NCKAP5: variants seen among roughly 807,000 people sequenced by gnomAD.
NCKAP5 encodes nck-associated protein 5.
A neutral mutation model predicts 167.0 loss-of-function variants in NCKAP5; 92 were observed. The ratio of observed to expected loss-of-function variants is 0.55; its 90% CI spans 0.47 to 0.66. The LOEUF (loss-of-function observed/expected upper bound fraction) is 0.66. NCKAP5 is among the 30% of genes least tolerant of loss of function. NCKAP5 has a pLI of 0.00. For synonymous variants in NCKAP5, 891 were observed against 877.4 expected (o/e 1.02, Z -0.27); for missense variants, 2,378 against 2,315.0 (o/e 1.03, Z -0.56).
intron 2 of NCKAP5, among the ~76,000 whole-genome samples, chr2:133,544,590 A>AT (rs1014741920): frequency 2.0e-5 from 3 of 152,004 alleles, no homozygotes; most frequent in Admixed American, 6.6e-5. Context: ...TATTTGTTTG[A>AT]TTTTTTCCTT....
chr2:132,968,929 G>A (rs1205640817), intron 7 of NCKAP5, among the ~76,000 whole-genome samples: 2 of 152,182 alleles, frequency 1.3e-5, no homozygotes, highest in Admixed American at 1.3e-4. Context: ...GAGTAGCAAA[G>A]GTGGGAATGT....
the NCKAP5 span, among the ~76,000 whole-genome samples, chr2:133,669,536 T>C: frequency 6.6e-6 from 1 of 152,194 alleles, no homozygotes; most frequent in Non-Finnish European, 1.5e-5. Flanking sequence ...AGGTATCTTT[T>C]TGAGTCCTCT....
chr2:133,441,218 G>A (rs924852217), intron 3 of NCKAP5, among the ~76,000 whole-genome samples: 1 of 152,084 alleles, frequency 6.6e-6, no homozygotes, highest in Admixed American at 6.5e-5. Context: ...ATCAATATAT[G>A]TTCTGTCATA....
chr2:132,867,471 G>T (rs1376238329), intron 10 of NCKAP5, among the ~76,000 whole-genome samples: 1 of 152,198 alleles, frequency 6.6e-6, no homozygotes, highest in Non-Finnish European at 1.5e-5. Flanking sequence ...TCTTTGCCGG[G>T]TTTGTTTGGT....
chr2:133,425,602 A>G (rs1429713730), intron 3 of NCKAP5, among the ~76,000 whole-genome samples: 2 of 152,248 alleles, frequency 1.3e-5, no homozygotes, highest in Non-Finnish European at 2.9e-5. Context: ...AGTGAAATCA[A>G]AATGAATGAC....
intron 3 of NCKAP5, among the ~76,000 whole-genome samples, chr2:133,377,742 A>G (rs1055718089): frequency 5.9e-5 from 9 of 152,226 alleles, no homozygotes; most frequent in African/African-American, 1.9e-4. Context: ...CAGAATCTCA[A>G]TGTTCAAAAG....
chr2:133,061,291 A>C (rs1481314139), intron 6 of NCKAP5, among the ~76,000 whole-genome samples: 5 of 152,208 alleles, frequency 3.3e-5, no homozygotes, highest in African/African-American at 9.6e-5. Context: ...ATGCTGTCAA[A>C]CAGTATTGCT....
At chr2:133,463,551 G>C (rs1309220395) in intron 3 of NCKAP5, among the ~76,000 whole-genome samples, 1 of 152,146 alleles carries the variant, frequency 6.6e-6, no homozygotes, top group Admixed American at 6.5e-5. Context: ...GAAGGCATGA[G>C]AACTACTTGA....
At chr2:133,501,131 A>G (rs1393568790) in intron 3 of NCKAP5, among the ~76,000 whole-genome samples, 1 of 152,232 alleles carries the variant, frequency 6.6e-6, no homozygotes, top group Non-Finnish European at 1.5e-5. Context: ...AACTCAGAAG[A>G]AAACTGAGAC....
intron 3 of NCKAP5, among the ~76,000 whole-genome samples, chr2:133,425,327 G>A (rs1689723534): frequency 1.3e-5 from 2 of 152,244 alleles, no homozygotes; most frequent in South Asian, 4.1e-4. Flanking sequence ...CCTATGTGGA[G>A]AAGAAACTGG....
intron 11 of NCKAP5, among the ~76,000 whole-genome samples, chr2:132,808,665 A>T (rs1685625477): frequency 6.6e-6 from 1 of 151,938 alleles, no homozygotes; most frequent in South Asian, 2.1e-4. Flanking sequence ...TTCTTGGTTA[A>T]TCTTGCTAAT....
chr2:133,470,638 G>A (rs189404267), intron 3 of NCKAP5, among the ~76,000 whole-genome samples: 1 of 152,214 alleles, frequency 6.6e-6, no homozygotes, highest in Non-Finnish European at 1.5e-5. Context: ...TTTGATCTCA[G>A]ACTGCTGTGC....
chr2:133,201,740 C>T (rs1304983456), intron 5 of NCKAP5, among the ~76,000 whole-genome samples: 1 of 152,096 alleles, frequency 6.6e-6, no homozygotes, highest in Admixed American at 6.6e-5. Context: ...AAGTATCATG[C>T]TTCATGGTGT....
chr2:133,265,061 G>A (rs944701918), intron 4 of NCKAP5: 26 of 152,214 alleles, frequency 1.7e-4, no homozygotes, highest in African/African-American at 3.9e-4. Context: ...GACTGAGGAA[G>A]GGATACTGAT....
chr2:133,091,873 T>C (rs7584850), intron 6 of NCKAP5, among the ~76,000 whole-genome samples: 51,918 of 151,974 alleles, frequency 0.34, 9,981 homozygotes, highest in East Asian at 0.59. Flanking sequence ...GGTGACAAAG[T>C]GAGACTCCAC....
intron 6 of NCKAP5, among the ~76,000 whole-genome samples, chr2:133,107,490 G>T (rs535095947): frequency 1.3e-5 from 2 of 152,178 alleles, no homozygotes; most frequent in Non-Finnish European, 2.9e-5. Context: ...TTAATTTAAC[G>T]TTAGTAAATC....
the NCKAP5 span, among the ~76,000 whole-genome samples, chr2:133,673,495 G>A: frequency 6.6e-5 from 10 of 152,204 alleles, no homozygotes; most frequent in Admixed American, 3.9e-4. Flanking sequence ...CCACTCTGGA[G>A]CGTATACTAC....
At chr2:133,278,152 A>T (rs2089803305) in intron 4 of NCKAP5, among the ~76,000 whole-genome samples, 2 of 152,212 alleles carry the variant, frequency 1.3e-5, no homozygotes, top group African/African-American at 4.8e-5. Context: ...TAAAATTTTT[A>T]AAATAGTATG....
intron 8 of NCKAP5, among the ~76,000 whole-genome samples, chr2:132,902,648 T>C (rs774957193): frequency 4.6e-5 from 7 of 152,180 alleles, no homozygotes; most frequent in Admixed American, 2.0e-4. Context: ...ATAAAAGGCT[T>C]GATTGAAGAG....
Sources: gnomAD v4.1 joint callset for allele counts (sites outside exome capture counted in the v4.1 genomes callset) on GRCh38, gnomAD v4.1.1 for gene constraint, MANE v1.5 for transcripts, NCBI Gene and HGNC (gene_info 2026-07-23, HGNC 2026-07-21) for gene names.